The following RERE variants were observed in gnomAD, a reference collection of about 807,000 sequenced individuals.
The protein encoded by RERE is arginine-glutamic acid dipeptide repeats protein.
Under a neutral mutation model 146.1 loss-of-function variants are expected in RERE, and 40 were observed. The ratio of observed to expected loss-of-function variants is 0.27; its 90% CI spans 0.21 to 0.36. RERE has a LOEUF of 0.36. RERE is among the 10% of genes least tolerant of loss of function. The probability of loss-of-function intolerance (pLI) is 1.00; values close to 1 mark genes in which losing one functional copy is unlikely to be tolerated. For missense variants in RERE, 1,933 were observed against 2,138.7 expected, an observed-to-expected ratio of 0.90 and a Z score of 1.90; for synonymous variants, 1,003 against 866.0, an observed-to-expected ratio of 1.16 and a Z score of -2.78.
chr1:8,554,034 G>A (rs1404818807), intron 6 of RERE, among the ~76,000 whole-genome samples: 1 of 151,834 alleles, frequency 6.6e-6, no homozygotes, highest in Non-Finnish European at 1.5e-5. Context: ...AAAATTAGCT[G>A]GGCATCGTGG....
chr1:8,600,524 C>T (rs1046513062), intron 4 of RERE, among the ~76,000 whole-genome samples: 2 of 151,820 alleles, frequency 1.3e-5, no homozygotes, highest in Admixed American at 6.6e-5. Context: ...GTAATATATC[C>T]AAGACAATGC....
At chr1:8,750,244 G>C (rs1557520073) in intron 1 of RERE, among the ~76,000 whole-genome samples, 1 of 151,858 alleles carries the variant, frequency 6.6e-6, no homozygotes, top group Non-Finnish European at 1.5e-5. Flanking sequence ...ACCATGCCTG[G>C]CACGTAGTCA....
At chr1:8,494,831 A>C (rs890710937) in intron 10 of RERE, among the ~76,000 whole-genome samples, 2 of 152,252 alleles carry the variant, frequency 1.3e-5, no homozygotes, top group Non-Finnish European at 2.9e-5. Flanking sequence ...TGCTATTATT[A>C]GGATCTCATT....
chr1:8,467,830 G>C (rs1644621958), intron 10 of RERE, among the ~76,000 whole-genome samples: 1 of 152,028 alleles, frequency 6.6e-6, no homozygotes, highest in South Asian at 2.1e-4. Flanking sequence ...ATTTTTAATA[G>C]AGATGGGGTT....
intron 8 of RERE, among the ~76,000 whole-genome samples, chr1:8,502,992 T>C (rs1382163820): frequency 1.3e-5 from 2 of 150,364 alleles, no homozygotes; most frequent in African/African-American, 4.9e-5. Flanking sequence ...CCAGAGACCT[T>C]TGTTCACTTG....
At chr1:8,698,865 C>A (rs1414255973) in intron 1 of RERE, among the ~76,000 whole-genome samples, 1 of 151,996 alleles carries the variant, frequency 6.6e-6, no homozygotes, top group Non-Finnish European at 1.5e-5. Context: ...CCATTATATT[C>A]TTATTATCTT....
intron 4 of RERE, among the ~76,000 whole-genome samples, chr1:8,569,276 G>C (rs1189824834): frequency 6.9e-6 from 1 of 145,934 alleles, no homozygotes. Flanking sequence ...AAAAAAAAGA[G>C]TACAAATATC....
chr1:8,506,222 C>G (rs966012042), intron 8 of RERE, among the ~76,000 whole-genome samples: 1 of 152,100 alleles, frequency 6.6e-6, no homozygotes, highest in South Asian at 2.1e-4. Context: ...GTTCCCAGAC[C>G]GAAAATACAG....
At chr1:8,694,085 T>C (rs565920093) in intron 1 of RERE, among the ~76,000 whole-genome samples, 4 of 149,148 alleles carry the variant, frequency 2.7e-5, no homozygotes, top group African/African-American at 9.8e-5. Context: ...TCCGCACTTT[T>C]AGTTCTCCTT....
At chr1:8,501,448 C>T (rs1391713772) in intron 8 of RERE, among the ~76,000 whole-genome samples, 1 of 80,316 alleles carries the variant, frequency 1.2e-5, no homozygotes, top group Non-Finnish European at 2.4e-5. Flanking sequence ...GCCCGGCCGC[C>T]CCTACTGGGA....
At chr1:8,732,599 G>A (rs1367549073) in intron 1 of RERE, among the ~76,000 whole-genome samples, 2 of 151,888 alleles carry the variant, frequency 1.3e-5, no homozygotes, top group South Asian at 2.1e-4. Flanking sequence ...TGACATTTAC[G>A]TTTCTGTCAA....
intron 1 of RERE, among the ~76,000 whole-genome samples, chr1:8,799,087 G>A (rs763646068): frequency 5.3e-5 from 8 of 151,836 alleles, no homozygotes; most frequent in African/African-American, 1.7e-4. Flanking sequence ...TCTGCCTCCC[G>A]GGTTCAAGCT....
At chr1:8,753,415 G>A (rs977236504) in intron 1 of RERE, 1 of 152,066 alleles carries the variant, frequency 6.6e-6, no homozygotes, top group Non-Finnish European at 1.5e-5. Context: ...TTTAAGGTAG[G>A]TTTTTAATCA....
chr1:8,558,278 T>C (rs28422051), intron 4 of RERE, among the ~76,000 whole-genome samples: 25,030 of 152,230 alleles, frequency 0.16, 2,380 homozygotes, highest in Middle Eastern at 0.29. Flanking sequence ...GTTCCCAGTT[T>C]GTTCAGAGAA....
At chr1:8,483,624 C>A (rs1644862684) in intron 10 of RERE, among the ~76,000 whole-genome samples, 2 of 152,174 alleles carry the variant, frequency 1.3e-5, no homozygotes, top group South Asian at 4.1e-4. Context: ...CATTCAACAA[C>A]CATTTAGTAT....
intron 12 of RERE, among the ~76,000 whole-genome samples, chr1:8,366,916 C>CAAAAAAAAAAAAAAAAAAAAA (rs5772317): frequency 1.9e-5 from 2 of 107,684 alleles, no homozygotes; most frequent in Non-Finnish European, 3.7e-5. Flanking sequence ...AAAAAAAAAA[C>CAAAAAAAAAAAAAAAAAAAAA]AAAAAAAAAA....
intron 3 of RERE, among the ~76,000 whole-genome samples, chr1:8,616,935 T>G (rs1243351741): frequency 6.6e-6 from 1 of 152,178 alleles, no homozygotes; most frequent in Non-Finnish European, 1.5e-5. Context: ...ATCAGTATCA[T>G]GCAAAAAGGA....
chr1:8,499,404 T>A (rs998916483), intron 8 of RERE, among the ~76,000 whole-genome samples: 1 of 152,232 alleles, frequency 6.6e-6, no homozygotes, highest in African/African-American at 2.4e-5. Flanking sequence ...GCTCCCGACC[T>A]GGATGTGCAG....
chr1:8,693,927 T>A (rs1429068442), intron 1 of RERE, among the ~76,000 whole-genome samples: 3 of 151,988 alleles, frequency 2.0e-5, no homozygotes, highest in Non-Finnish European at 2.9e-5. Flanking sequence ...TGTTTTAAAA[T>A]TTTTTAATGT....
Sources: gnomAD v4.1 joint callset for allele counts (sites outside exome capture counted in the v4.1 genomes callset) on GRCh38, gnomAD v4.1.1 for gene constraint, MANE v1.5 for transcripts, NCBI Gene and HGNC (gene_info 2026-07-23, HGNC 2026-07-21) for gene names.